SND1: variants seen among roughly 807,000 people sequenced by gnomAD.
SND1 encodes the protein staphylococcal nuclease domain-containing protein 1.
SND1 carries 38 observed loss-of-function variants against 121.7 expected under a neutral mutation model. That is an observed-to-expected ratio of 0.31 (90% CI 0.24 to 0.41). The LOEUF is 0.41. Among genes scored for constraint, SND1 ranks in the 10% least tolerant of loss-of-function variants. SND1 has a pLI of 1.00. For missense variants in SND1, 868 were observed against 1,184.6 expected, an observed-to-expected ratio of 0.73 and a Z score of 3.92; for synonymous variants, 401 against 447.4, an observed-to-expected ratio of 0.90 and a Z score of 1.31.
intron 1 of SND1, among the ~76,000 whole-genome samples, chr7:127,684,344 C>T (rs1197148583): frequency 6.6e-6 from 1 of 152,190 alleles, no homozygotes; most frequent in African/African-American, 2.4e-5. Context: ...GCAGCAAGCA[C>T]TAGAAACAGA....
chr7:127,823,895 G>A lies in SND1; in HGVS notation c.1242+16322G>A, dbSNP rs563317950. 8.5e-5 allele frequency among the ~76,000 whole-genome samples: 13 copies of A among 152,240 alleles called. No homozygotes were observed. The East Asian group carries it at 2.5e-3, about 29-fold the overall frequency. ...CCATAGGTAGCATATTTTGTTTAAA[G>A]TGACCTTGATATTTAAAGTGAAAGA... On this transcript the variant is annotated intron_variant, in intron 11 of 23. Coordinates refer to ENST00000354725, the MANE Select transcript of SND1 (RefSeq NM_014390.4).
At chr7:127,708,864 A>G (rs1405780026) in intron 9 of SND1, among the ~76,000 whole-genome samples, 1 of 152,180 alleles carries the variant, frequency 6.6e-6, no homozygotes, top group Non-Finnish European at 1.5e-5. Flanking sequence ...TTGGACTGAG[A>G]GGTTCTGTCT....
intron 12 of SND1, among the ~76,000 whole-genome samples, chr7:127,867,518 AT>A (rs1445335578): frequency 6.6e-6 from 1 of 152,026 alleles, no homozygotes; most frequent in Non-Finnish European, 1.5e-5. Flanking sequence ...TACTCAAATG[AT>A]CGCGTCTTTT....
At chr7:127,817,257 G>A (rs561916292) in intron 11 of SND1, among the ~76,000 whole-genome samples, 106 of 152,308 alleles carry the variant, frequency 7.0e-4, no homozygotes, top group African/African-American at 2.5e-3. Flanking sequence ...ATATTAATGC[G>A]AAGTGTACTG....
intron 16 of SND1, among the ~76,000 whole-genome samples, chr7:128,024,189 C>T (rs540727468): frequency 3.3e-5 from 5 of 152,212 alleles, no homozygotes; most frequent in African/African-American, 1.2e-4. Flanking sequence ...CTGTCCAAAA[C>T]ATTCTTCCCC....
intron 16 of SND1, among the ~76,000 whole-genome samples, chr7:128,033,499 C>A (rs1792690077): frequency 6.6e-6 from 1 of 152,136 alleles, no homozygotes; most frequent in Admixed American, 6.5e-5. Context: ...CGAGGAGGTC[C>A]CAGATTTCTC....
intron 10 of SND1, among the ~76,000 whole-genome samples, chr7:127,776,601 A>G (rs906602200): frequency 6.6e-6 from 1 of 152,232 alleles, no homozygotes; most frequent in East Asian, 1.9e-4. Flanking sequence ...AAAACTAATC[A>G]AAGGAGGTAC....
At chr7:127,837,193 A>G (rs971674882) in intron 11 of SND1, among the ~76,000 whole-genome samples, 11 of 152,230 alleles carry the variant, frequency 7.2e-5, no homozygotes, top group Non-Finnish European at 1.2e-4. Flanking sequence ...GATAGGATAG[A>G]GGAATGAGGC....
At position 127,754,598 on chromosome 7, in the gene SND1, A is replaced by T. The variant is rs557101139; in HGVS notation, c.1152+33198A>T. 2.0e-5 allele frequency among the ~76,000 whole-genome samples: 3 copies of T among 152,074 alleles called. No individual in the cohort carries two copies. The East Asian group carries it at 5.8e-4, about 29-fold the overall frequency. On this transcript the variant is annotated intron_variant, in intron 10 of 23. Coordinates refer to ENST00000354725, the MANE Select transcript of SND1 (RefSeq NM_014390.4). ...GTGGCAATCAAGAGCTGACTCTGTGATTTCACTGGCCACTCCCAAATCCAC... is the reference window on the plus strand; with the variant it reads ...GTGGCAATCAAGAGCTGACTCTGTGTTTTCACTGGCCACTCCCAAATCCAC...
chr7:127,739,482 C>T (rs2116430404), intron 10 of SND1, among the ~76,000 whole-genome samples: 1 of 152,298 alleles, frequency 6.6e-6, no homozygotes, highest in South Asian at 2.1e-4. Flanking sequence ...TGGTGATAAT[C>T]TTCTGCCCTC....
intron 14 of SND1, among the ~76,000 whole-genome samples, chr7:127,910,268 C>T (rs1315247608): frequency 6.6e-6 from 1 of 152,068 alleles, no homozygotes; most frequent in Non-Finnish European, 1.5e-5. Context: ...GGCAAAACCC[C>T]ATCTCTACTA....
chr7:127,747,151 G>A (rs1047587455), intron 10 of SND1, among the ~76,000 whole-genome samples: 1 of 152,194 alleles, frequency 6.6e-6, no homozygotes, highest in African/African-American at 2.4e-5. Context: ...GGAAAAATGT[G>A]ATTTGCAGGG....
At chr7:127,905,467 A>G (rs980899994) in intron 14 of SND1, among the ~76,000 whole-genome samples, 2 of 152,144 alleles carry the variant, frequency 1.3e-5, no homozygotes, top group African/African-American at 2.4e-5. Context: ...TTATTCATTT[A>G]GTCAACAAGT....
At chr7:127,930,639 G>A (rs1800940735) in intron 15 of SND1, among the ~76,000 whole-genome samples, 1 of 152,174 alleles carries the variant, frequency 6.6e-6, no homozygotes, top group African/African-American at 2.4e-5. Context: ...CTTATTGGAG[G>A]GCTGTGGTTT....
intron 16 of SND1, among the ~76,000 whole-genome samples, chr7:128,041,866 T>C (rs1194923925): frequency 1.3e-5 from 2 of 152,202 alleles, no homozygotes; most frequent in Admixed American, 6.5e-5. Flanking sequence ...TTTACCTCAC[T>C]ACCAGCCAAG....
chr7:128,017,657 C>T (rs568800484), intron 16 of SND1, among the ~76,000 whole-genome samples: 6 of 152,332 alleles, frequency 3.9e-5, no homozygotes, highest in Middle Eastern at 6.8e-3. Flanking sequence ...AGAGGGAAGC[C>T]CTGTTCCAAC....
chr7:127,759,097 GA>G (rs1171758369), intron 10 of SND1, among the ~76,000 whole-genome samples: 2 of 152,100 alleles, frequency 1.3e-5, no homozygotes, highest in African/African-American at 2.4e-5. Flanking sequence ...TAGATAGATA[GA>G]TAGGCAGGCA....
chr7:127,888,228 G>A (rs912781215), intron 13 of SND1, among the ~76,000 whole-genome samples: 3 of 152,062 alleles, frequency 2.0e-5, no homozygotes, highest in Non-Finnish European at 4.4e-5. Flanking sequence ...TAAAAAATAT[G>A]TAAAATAGGT....
Position 127,989,597 on chromosome 7 carries a change from C to T in SND1, c.1670-1350C>T, listed in dbSNP as rs561547557. 2.2e-4 allele frequency among the ~76,000 whole-genome samples: 33 copies of T among 152,018 alleles called. No individual in the cohort carries two copies. In the South Asian group the frequency reaches 6.9e-3, roughly 32 times the overall value. On this transcript the variant is annotated intron_variant, in intron 15 of 23. Coordinates refer to ENST00000354725, the MANE Select transcript of SND1 (RefSeq NM_014390.4). ...CTTCTGCTGCTCCTATGCCAGATCTCTTGTACGTTCCCTTGAGGCTGTTCG... is the reference window on the plus strand; with the variant it reads ...CTTCTGCTGCTCCTATGCCAGATCTTTTGTACGTTCCCTTGAGGCTGTTCG...
Sources: gnomAD v4.1 joint callset for allele counts (sites outside exome capture counted in the v4.1 genomes callset) on GRCh38, gnomAD v4.1.1 for gene constraint, MANE v1.5 for transcripts, NCBI Gene and HGNC (gene_info 2026-07-23, HGNC 2026-07-21) for gene names.